Variants in PHACTR1 observed in about 807,000 individuals in gnomAD.
The protein encoded by PHACTR1 is phosphatase and actin regulator 1, also known as RPEL repeat containing 1.
In PHACTR1, 16 loss-of-function variants were observed where a neutral mutation model predicts 69.2. The ratio of observed to expected loss-of-function variants is 0.23; its 90% CI spans 0.16 to 0.35. The LOEUF is 0.35. PHACTR1 is among the 10% of genes least tolerant of loss of function. The pLI, the probability that PHACTR1 is intolerant of heterozygous loss-of-function variation, is 1.00. For synonymous variants in PHACTR1, 312 were observed against 284.5 expected (o/e 1.10, Z -0.97); for missense variants, 510 against 734.7 (o/e 0.69, Z 3.54).
intron 4 of PHACTR1, among the ~76,000 whole-genome samples, chr6:12,922,420 C>A (rs9369650): frequency 0.52 from 78,737 of 152,022 alleles, 23,349 homozygotes; most frequent in East Asian, 0.91. Context: ...TGCTGGAGCC[C>A]AGGGAAAGTA....
chr6:13,186,145 A>T (rs1583799267), intron 7 of PHACTR1, among the ~76,000 whole-genome samples: 1 of 152,246 alleles, frequency 6.6e-6, no homozygotes, highest in East Asian at 1.9e-4. Flanking sequence ...GGAACCATCT[A>T]ACATATCAAT....
chr6:13,074,058 A>C (rs1485170733), intron 5 of PHACTR1, among the ~76,000 whole-genome samples: 1 of 151,926 alleles, frequency 6.6e-6, no homozygotes, highest in East Asian at 1.9e-4. Flanking sequence ...TTTTTGGTAG[A>C]GACAAGGTTT....
intron 4 of PHACTR1, among the ~76,000 whole-genome samples, chr6:12,796,419 C>G (rs1274301472): frequency 6.6e-6 from 1 of 152,196 alleles, no homozygotes; most frequent in Non-Finnish European, 1.5e-5. Flanking sequence ...AGTATTTATC[C>G]TGACTGTTAA....
intron 4 of PHACTR1, among the ~76,000 whole-genome samples, chr6:12,955,033 A>G (rs2127557763): frequency 6.6e-6 from 1 of 152,312 alleles, no homozygotes; most frequent in South Asian, 2.1e-4. Context: ...AAAAGAATAC[A>G]TAATATTTCA....
chr6:13,150,762 C>A (rs1583595611), intron 5 of PHACTR1, among the ~76,000 whole-genome samples: 1 of 152,086 alleles, frequency 6.6e-6, no homozygotes, highest in African/African-American at 2.4e-5. Context: ...CTCATTGCTC[C>A]CCTTTCTCCT....
At chr6:13,165,214 C>A (rs1044077228) in intron 6 of PHACTR1, among the ~76,000 whole-genome samples, 1 of 152,104 alleles carries the variant, frequency 6.6e-6, no homozygotes, top group Non-Finnish European at 1.5e-5. Context: ...AAGAACACAA[C>A]TTAAATGTTA....
chr6:12,844,404 CA>C (rs1431967829), intron 4 of PHACTR1, among the ~76,000 whole-genome samples: 2 of 151,606 alleles, frequency 1.3e-5, no homozygotes, highest in African/African-American at 4.8e-5. Context: ...CCCCCGCCCC[CA>C]AAAAAACACA....
At chr6:12,845,064 A>G (rs1779069500) in intron 4 of PHACTR1, among the ~76,000 whole-genome samples, 1 of 152,212 alleles carries the variant, frequency 6.6e-6, no homozygotes, top group African/African-American at 2.4e-5. Context: ...ATAATGGTAT[A>G]CATGTAATAT....
At chr6:13,206,476 A>T (rs1482102519) in intron 8 of PHACTR1, among the ~76,000 whole-genome samples, 1 of 151,132 alleles carries the variant, frequency 6.6e-6, no homozygotes, top group Non-Finnish European at 1.5e-5. Context: ...CAACTTAACC[A>T]TAGACTAATT....
At chr6:12,935,661 G>A (rs1211790122) in intron 4 of PHACTR1, among the ~76,000 whole-genome samples, 2 of 152,082 alleles carry the variant, frequency 1.3e-5, no homozygotes, top group Non-Finnish European at 2.9e-5. Flanking sequence ...GTATGTAAAT[G>A]TATGTTTTGG....
At chr6:13,222,386 C>T (rs1768809334) in intron 8 of PHACTR1, among the ~76,000 whole-genome samples, 1 of 152,198 alleles carries the variant, frequency 6.6e-6, no homozygotes, top group African/African-American at 2.4e-5. Flanking sequence ...CTCTTGCATT[C>T]ATGGGGTAAC....
At chr6:12,795,507 A>G (rs1772871034) in intron 4 of PHACTR1, among the ~76,000 whole-genome samples, 1 of 152,210 alleles carries the variant, frequency 6.6e-6, no homozygotes, top group Admixed American at 6.5e-5. Flanking sequence ...TTCACCAATG[A>G]GTTGGGAACC....
At position 12,717,759 on chromosome 6, in the gene PHACTR1, A is replaced by C. The variant is rs560421807; in HGVS notation, c.-47+16A>C. 14 of 152,268 alleles carry C rather than the reference A, an allele frequency of 9.2e-5. No homozygotes were observed. The highest frequency in any genetic ancestry group is 3.4e-4 in the African/African-American group (14 of 41,562). 9.4% of individuals were successfully genotyped at this position (152,268 alleles called of 1,614,324 possible). The stretch of plus-strand genomic sequence containing the variant: ...ATTTTTTGCAGTAAGTATATTTGCT[A>C]TTGGGGTACCTTTGGGTATTTTTAA... On this transcript the variant is annotated intron_variant, in intron 2 of 14. Coordinates refer to ENST00000332995, the MANE Select transcript of PHACTR1 (RefSeq NM_030948.6).
rs990627113 is a variant in PHACTR1 at position 13,028,910 on chromosome 6, T to C, written c.251-24455T>C. On this transcript the variant is annotated intron_variant, in intron 4 of 14. Transcript: ENST00000332995. ...GTATGAAGAGGCTGGTTTGGATTAG[T>C]AGATTGAGGAAGGGAGAAATGCTAA... Among the ~76,000 whole-genome samples the C allele has an allele frequency of 3.3e-5, 5 of 152,122 alleles. No individual in the cohort carries two copies. In the South Asian group the frequency reaches 1.0e-3, roughly 32 times the overall value.
At chr6:13,106,875 C>T (rs796658572) in intron 5 of PHACTR1, among the ~76,000 whole-genome samples, 34 of 152,160 alleles carry the variant, frequency 2.2e-4, no homozygotes, top group African/African-American at 7.7e-4. Flanking sequence ...CTTGCATGAC[C>T]GTGATAAACA....
chr6:13,227,528 G>A (rs999616582), intron 8 of PHACTR1, among the ~76,000 whole-genome samples: 7 of 151,986 alleles, frequency 4.6e-5, no homozygotes, highest in African/African-American at 1.5e-4. Context: ...CACCACCCAC[G>A]AGGAGCCGGA....
At chr6:12,938,888 G>T (rs1031219626) in intron 4 of PHACTR1, among the ~76,000 whole-genome samples, 1 of 152,132 alleles carries the variant, frequency 6.6e-6, no homozygotes, top group Non-Finnish European at 1.5e-5. Flanking sequence ...GATCTCAACA[G>T]TTCATGCGTT....
chr6:12,968,301 A>G (rs1793742027), intron 4 of PHACTR1, among the ~76,000 whole-genome samples: 1 of 151,628 alleles, frequency 6.6e-6, no homozygotes, highest in Non-Finnish European at 1.5e-5. Context: ...CTTGGAAAAC[A>G]GCAGCTTCAA....
At chr6:12,747,316 CT>C (rs888716701) in intron 3 of PHACTR1, among the ~76,000 whole-genome samples, 5 of 151,960 alleles carry the variant, frequency 3.3e-5, no homozygotes, top group Non-Finnish European at 5.9e-5. Flanking sequence ...CACTTCTTTT[CT>C]TTTTTTTCTT....
Sources: gnomAD v4.1 joint callset for allele counts (sites outside exome capture counted in the v4.1 genomes callset) on GRCh38, gnomAD v4.1.1 for gene constraint, MANE v1.5 for transcripts, NCBI Gene and HGNC (gene_info 2026-07-23, HGNC 2026-07-21) for gene names.